RASA3: variants seen among roughly 807,000 people sequenced by gnomAD.
RASA3 encodes the protein ras GTPase-activating protein 3.
Under a neutral mutation model 110.0 loss-of-function variants are expected in RASA3, and 73 were observed. The ratio of observed to expected loss-of-function variants is 0.66; its 90% CI spans 0.55 to 0.81. RASA3 has a LOEUF of 0.81. Ranked by LOEUF, RASA3 falls within the 30% of genes least tolerant of loss-of-function variation. The pLI is 0.00. For missense variants in RASA3, 976 were observed against 1,113.2 expected (o/e 0.88, Z 1.75); for synonymous variants, 500 against 451.4 (o/e 1.11, Z -1.37).
intron 1 of RASA3, among the ~76,000 whole-genome samples, chr13:114,098,592 C>A (rs968079516): frequency 1.3e-5 from 2 of 151,974 alleles, no homozygotes; most frequent in Non-Finnish European, 2.9e-5. Flanking sequence ...GGCTGGCCGG[C>A]CCCCTCCCAA....
At chr13:114,001,563 G>A (rs1045550659) in intron 18 of RASA3, among the ~76,000 whole-genome samples, 1 of 149,542 alleles carries the variant, frequency 6.7e-6, no homozygotes, top group African/African-American at 2.5e-5. Context: ...CAGGGTCAGG[G>A]CGGACAGTGG....
intron 9 of RASA3, 83 bp from the exon 10 acceptor site, chr13:114,019,002 T>C (rs775823688): frequency 6.6e-5 from 101 of 1,535,100 alleles, no homozygotes; most frequent in Non-Finnish European, 8.5e-5. Context: ...GCTGCCTGCT[T>C]GAGGTCGACT....
chr13:114,060,282 T>C (rs1458160993), intron 2 of RASA3, among the ~76,000 whole-genome samples: 1 of 152,126 alleles, frequency 6.6e-6, no homozygotes, highest in Admixed American at 6.5e-5. Flanking sequence ...AGCAGACATT[T>C]CACCACAGCA....
chr13:114,118,829 T>C (rs1282240943), intron 1 of RASA3, among the ~76,000 whole-genome samples: 1 of 152,172 alleles, frequency 6.6e-6, no homozygotes, highest in Non-Finnish European at 1.5e-5. Flanking sequence ...ACACCAGCAT[T>C]CTTGTGTTCA....
intron 2 of RASA3, among the ~76,000 whole-genome samples, chr13:114,068,859 A>T (rs2079502411): frequency 1.3e-5 from 2 of 152,192 alleles, no homozygotes; most frequent in African/African-American, 2.4e-5. Flanking sequence ...GGCCAGAGAG[A>T]AAGGGCTTGT....
In RASA3 at chr13:114,057,817, T is replaced by C. The variant is rs570433486; in HGVS notation, c.174-5662A>G. ...GAAGGGGCACCTCTGGCCAGGGCGC[T>C]CAGCACGAGGGGACCCAGAACAATG... On this transcript the variant is annotated intron_variant, in intron 2 of 23. Coordinates refer to ENST00000334062, the MANE Select transcript of RASA3 (RefSeq NM_007368.4). The surrounding 1 kb of genome is among the most constrained non-coding windows in gnomAD (Gnocchi z 5.0). 6.6e-6 allele frequency among the ~76,000 whole-genome samples: 1 copy of C among 152,180 alleles called. No individual in the cohort carries two copies. The highest frequency in any genetic ancestry group is 2.4e-5 in the African/African-American group (1 of 41,526).
intron 1 of RASA3, among the ~76,000 whole-genome samples, chr13:114,119,349 T>C (rs1230646568): frequency 6.6e-6 from 1 of 152,190 alleles, no homozygotes; most frequent in Non-Finnish European, 1.5e-5. Context: ...GAGAAAGGAA[T>C]GCCACTGATT....
chr13:114,057,516 G>C lies in RASA3; in HGVS notation c.174-5361C>G. The C allele has an allele frequency of 3.0e-5, 30 of 985,300 alleles. No individual in the cohort carries two copies. Among genetic ancestry groups the C allele is most frequent in the Non-Finnish European group, 3.5e-5 (29 of 829,812 alleles). The allele number at this position is 985,300 out of a possible 1,614,324, so 61.0% of individuals were successfully genotyped here. ...GGTTCGTTCAGCTTCTTAGACCGATGATTTATTTAGGGAATAAGAAGGGCG... is the reference window on the plus strand; with the variant it reads ...GGTTCGTTCAGCTTCTTAGACCGATCATTTATTTAGGGAATAAGAAGGGCG... On this transcript the variant is annotated intron_variant, in intron 2 of 23. Transcript: ENST00000334062. This position sits in a 1 kb window ranked among gnomAD's most constrained non-coding sequence, Gnocchi z 5.0.
chr13:113,999,710 C>T, intron 19 of RASA3, 43 bp from the exon 20 acceptor site: 1 of 1,546,322 alleles, frequency 6.5e-7, no homozygotes, highest in Non-Finnish European at 8.8e-7. Context: ...GCCCCGCTGT[C>T]CCGGCTGGGG....
chr13:114,041,207 G>A, intron 3 of RASA3, 113 bp from the exon 4 acceptor site: 2 of 935,804 alleles, frequency 2.1e-6, no homozygotes, highest in Non-Finnish European at 3.3e-6. Context: ...GTTTAATTCA[G>A]AATGGGGCAC....
intron 22 of RASA3, among the ~76,000 whole-genome samples, chr13:113,990,488 T>C (rs962078819): frequency 2.4e-4 from 37 of 152,156 alleles, no homozygotes; most frequent in African/African-American, 8.7e-4. Flanking sequence ...GACCTCACCC[T>C]CTCCGAGGCT....
At chr13:114,059,225 C>T (rs1328402301) in intron 2 of RASA3, among the ~76,000 whole-genome samples, 9 of 151,770 alleles carry the variant, frequency 5.9e-5, no homozygotes, top group Admixed American at 5.9e-4. Context: ...ACAGTCCCGC[C>T]TGGAGGAGCC....
intron 1 of RASA3, 100 bp downstream of exon 1, chr13:114,132,335 C>T (rs2080532890): frequency 1.6e-6 from 2 of 1,257,236 alleles, no homozygotes; most frequent in African/African-American, 3.1e-5. Context: ...AGGGCGTCTC[C>T]GCCGGGGTCC....
intron 9 of RASA3, among the ~76,000 whole-genome samples, chr13:114,020,475 C>G (rs974958977): frequency 5.9e-5 from 9 of 152,334 alleles, no homozygotes; most frequent in South Asian, 2.1e-4. Context: ...TTCGTAGAAT[C>G]AAAAGACACG....
chr13:114,029,878 G>A lies in RASA3; in HGVS notation c.382C>T (p.His128Tyr), dbSNP rs1367885121. The A allele has an allele frequency of 3.8e-6, 6 of 1,560,824 alleles. No homozygotes were observed. Among genetic ancestry groups the A allele is most frequent in the South Asian group, 2.4e-5 (2 of 84,824 alleles). Residue 128 changes from histidine to tyrosine, a missense_variant, in exon 5 of 24, where the codon CAC becomes TAC. By Grantham distance (83) the His-to-Tyr change is moderately conservative. Coordinates refer to ENST00000334062, the MANE Select transcript of RASA3 (RefSeq NM_007368.4). ...DADSEVQGKVHLELRLSEVIT... is the reference protein window; with the variant it reads ...DADSEVQGKVYLELRLSEVIT... Reference sequence around the variant, plus strand: ...ACCTCGCTCAGCCGCAGCTCCAGGTGCACTTTGCCCTGCAAGGCACAAGGA... The same window carrying A: ...ACCTCGCTCAGCCGCAGCTCCAGGTACACTTTGCCCTGCAAGGCACAAGGA...
At chr13:114,097,438 G>A (rs1566569546) in intron 1 of RASA3, among the ~76,000 whole-genome samples, 1 of 152,182 alleles carries the variant, frequency 6.6e-6, no homozygotes, top group Non-Finnish European at 1.5e-5. Context: ...TCCAAAAGAC[G>A]CCATCGCTGC....
At chr13:114,019,745 G>T (rs1422263781) in intron 9 of RASA3, among the ~76,000 whole-genome samples, 1 of 139,018 alleles carries the variant, frequency 7.2e-6, no homozygotes, top group East Asian at 2.2e-4. Context: ...AGACATTGGC[G>T]CCCCCGTCAG....
At position 114,132,439 on chromosome 13, in the gene RASA3, C is replaced by A; in HGVS notation, c.51G>T (p.Lys17Asn). ...GLRVFQSVKIKIGEAKNLPSY... is the reference protein window; with the variant it reads ...GLRVFQSVKINIGEAKNLPSY... ...TGGCTGCCGGCGGACACTCACCGAT[C>A]TTGATCTTCACGCTCTGGAAGACCC... Residue 17 changes from lysine to asparagine, a missense_variant, in exon 1 of 24, where the codon AAG becomes AAT. By Grantham distance (94) the Lys-to-Asn change is moderately conservative (BLOSUM62 0). Coordinates refer to ENST00000334062, the MANE Select transcript of RASA3 (RefSeq NM_007368.4). The A allele has an allele frequency of 6.5e-7, 1 of 1,529,746 alleles. No individual in the cohort carries two copies. The highest frequency in any genetic ancestry group is 2.0e-5 in the Admixed American group (1 of 50,614). The allele number at this position is 1,529,746 out of a possible 1,614,324, so 94.8% of individuals were successfully genotyped here.
chr13:114,112,710 G>A lies in RASA3; in HGVS notation c.55+19725C>T, dbSNP rs1222645558. ...ACACACTCAGGCCTGTGTGGCCAGC[G>A]TGGTCCTCCTTTCCCACAGCCAAGG... On this transcript the variant is annotated intron_variant, in intron 1 of 23. Coordinates refer to ENST00000334062, the MANE Select transcript of RASA3 (RefSeq NM_007368.4). The surrounding 1 kb of genome is among the most constrained non-coding windows in gnomAD (Gnocchi z 4.8). 2.6e-5 allele frequency among the ~76,000 whole-genome samples: 4 copies of A among 152,080 alleles called. No individual in the cohort carries two copies. Among genetic ancestry groups the A allele is most frequent in the Admixed American group, 6.5e-5 (1 of 15,284 alleles).
Sources: gnomAD v4.1 joint callset for allele counts (sites outside exome capture counted in the v4.1 genomes callset) on GRCh38, gnomAD v4.1.1 for gene constraint, Gnocchi (gnomAD v3.1) non-coding constraint, MANE v1.5 for transcripts, NCBI Gene and HGNC (gene_info 2026-07-23, HGNC 2026-07-21) for gene names.